Variants in IGF2BP2 observed in about 807,000 individuals in gnomAD.
The protein encoded by IGF2BP2 is insulin-like growth factor 2 mRNA-binding protein 2.
In IGF2BP2, 17 loss-of-function variants were observed where a neutral mutation model predicts 75.8. The observed-to-expected ratio is 0.22, with a 90% CI of 0.15 to 0.34. The LOEUF is 0.34. IGF2BP2 is among the 10% of genes least tolerant of loss of function. IGF2BP2 has a pLI of 1.00. For missense variants in IGF2BP2, 516 were observed against 772.4 expected, an observed-to-expected ratio of 0.67 and a Z score of 3.93; for synonymous variants, 288 against 295.6, an observed-to-expected ratio of 0.97 and a Z score of 0.26.
intron 2 of IGF2BP2, among the ~76,000 whole-genome samples, chr3:185,784,398 G>C (rs1314025386): frequency 6.6e-6 from 1 of 152,110 alleles, no homozygotes; most frequent in Non-Finnish European, 1.5e-5. Context: ...TGACCTGCTG[G>C]ATCTCTAGGA....
intron 7 of IGF2BP2, among the ~76,000 whole-genome samples, chr3:185,683,843 T>C (rs1038861306): frequency 6.6e-6 from 1 of 152,228 alleles, no homozygotes; most frequent in Non-Finnish European, 1.5e-5. Flanking sequence ...GAAATCACTA[T>C]AGTCATCCTA....
chr3:185,715,139 G>A (rs558297575), intron 2 of IGF2BP2, among the ~76,000 whole-genome samples: 1 of 152,306 alleles, frequency 6.6e-6, no homozygotes, highest in African/African-American at 2.4e-5. Context: ...AGGAATGGAA[G>A]GCAGAATACG....
intron 2 of IGF2BP2, among the ~76,000 whole-genome samples, chr3:185,801,349 C>T (rs1328757225): frequency 1.3e-5 from 2 of 151,988 alleles, no homozygotes; most frequent in African/African-American, 4.8e-5. Flanking sequence ...ATTAGCCAGG[C>T]GTGGTGGCAC....
At chr3:185,740,804 C>A (rs1729443738) in intron 2 of IGF2BP2, among the ~76,000 whole-genome samples, 1 of 152,174 alleles carries the variant, frequency 6.6e-6, no homozygotes, top group Admixed American at 6.6e-5. Context: ...GCTTTGTGGT[C>A]TATACTCACT....
At chr3:185,745,290 G>A (rs1271391407) in intron 2 of IGF2BP2, among the ~76,000 whole-genome samples, 1 of 152,226 alleles carries the variant, frequency 6.6e-6, no homozygotes, top group Non-Finnish European at 1.5e-5. Context: ...TCTGGTACCT[G>A]GCCTGCAGAT....
intron 2 of IGF2BP2, among the ~76,000 whole-genome samples, chr3:185,763,164 TC>T (rs1187929642): frequency 6.6e-6 from 1 of 152,192 alleles, no homozygotes; most frequent in Non-Finnish European, 1.5e-5. Flanking sequence ...TAAAAAAACT[TC>T]CCAGTGATTC....
intron 2 of IGF2BP2, among the ~76,000 whole-genome samples, chr3:185,814,688 C>T (rs528204081): frequency 2.0e-5 from 3 of 152,244 alleles, no homozygotes; most frequent in Non-Finnish European, 2.9e-5. Context: ...AGCATGGCGT[C>T]TATCTAGAAG....
intron 2 of IGF2BP2, among the ~76,000 whole-genome samples, chr3:185,785,457 G>T (rs957201221): frequency 6.6e-6 from 1 of 151,938 alleles, no homozygotes; most frequent in Admixed American, 6.6e-5. Flanking sequence ...TAGGCAAGAA[G>T]CATCTGTCTG....
intron 7 of IGF2BP2, among the ~76,000 whole-genome samples, chr3:185,684,844 G>GA (rs766791127): frequency 1.6e-3 from 220 of 141,834 alleles, no homozygotes; most frequent in African/African-American, 4.4e-3. Context: ...TGTGGGGAAG[G>GA]AAAAAAAAAA....
In IGF2BP2 at chr3:185,698,944, A is replaced by G. The variant is rs373615715; in HGVS notation, c.240-597T>C. 3.9e-5 allele frequency among the ~76,000 whole-genome samples: 6 copies of G among 152,120 alleles called. No homozygotes were observed. The East Asian group carries it at 7.7e-4, about 20-fold the overall frequency. On this transcript the variant is annotated intron_variant, in intron 2 of 15. Transcript: ENST00000382199. ...ATTCTCCTGCCTCAGCCTCCCAAGT[A>G]GCTGGGATTACAGGCATGTGCCACC... is the stretch of plus-strand genomic sequence containing the variant.
intron 2 of IGF2BP2, 66 bp downstream of exon 2, chr3:185,823,087 G>A: frequency 9.6e-7 from 1 of 1,039,746 alleles, no homozygotes; most frequent in Non-Finnish European, 1.4e-6. Flanking sequence ...TTTTAAAGCT[G>A]TGTGTACGTT....
At chr3:185,674,447 TTTTG>T (rs1190800530) in intron 9 of IGF2BP2, among the ~76,000 whole-genome samples, 3 of 152,186 alleles carry the variant, frequency 2.0e-5, no homozygotes, top group East Asian at 1.9e-4. Flanking sequence ...TTTTAAAGGT[TTTTG>T]TTTGTTTGTT....
At chr3:185,674,835 T>C (rs911399425) in intron 9 of IGF2BP2, among the ~76,000 whole-genome samples, 2 of 151,978 alleles carry the variant, frequency 1.3e-5, no homozygotes, top group Non-Finnish European at 2.9e-5. Context: ...TTTTATATCT[T>C]GCTTTTCTTA....
chr3:185,705,508 C>T (rs758731088), intron 2 of IGF2BP2, among the ~76,000 whole-genome samples: 1 of 151,984 alleles, frequency 6.6e-6, no homozygotes, highest in Non-Finnish European at 1.5e-5. Flanking sequence ...ATAACTCATG[C>T]TTCCTGGGCA....
At chr3:185,764,645 A>G (rs779378854) in intron 2 of IGF2BP2, among the ~76,000 whole-genome samples, 1 of 152,214 alleles carries the variant, frequency 6.6e-6, no homozygotes, top group African/African-American at 2.4e-5. Context: ...CATCTTCACC[A>G]TGATTCCCAG....
At chr3:185,715,589 T>C (rs1725474173) in intron 2 of IGF2BP2, among the ~76,000 whole-genome samples, 1 of 152,238 alleles carries the variant, frequency 6.6e-6, no homozygotes, top group Admixed American at 6.5e-5. Flanking sequence ...TGTGGCTGTC[T>C]ATATCCCACC....
intron 7 of IGF2BP2, among the ~76,000 whole-genome samples, chr3:185,685,093 A>G (rs1294994300): frequency 6.6e-6 from 1 of 152,168 alleles, no homozygotes; most frequent in Non-Finnish European, 1.5e-5. Flanking sequence ...CACACCTGTA[A>G]TCCCAGCACA....
In IGF2BP2 at chr3:185,731,499, C is replaced by T. The variant is rs573778267; in HGVS notation, c.240-33152G>A. Among the ~76,000 whole-genome samples, 3 of 152,090 alleles carry T rather than the reference C, an allele frequency of 2.0e-5. No individual in the cohort carries two copies. The South Asian group carries it at 6.2e-4, about 32-fold the overall frequency. ...AACTCCTGACCTCAGGTGATCCGCTCACCTCAGCCTCCCAAAGTGCTAAGA... is the reference window on the plus strand; with the variant it reads ...AACTCCTGACCTCAGGTGATCCGCTTACCTCAGCCTCCCAAAGTGCTAAGA... On this transcript the variant is annotated intron_variant, in intron 2 of 15. Transcript: ENST00000382199.
intron 2 of IGF2BP2, among the ~76,000 whole-genome samples, chr3:185,805,614 C>A (rs1738914539): frequency 6.6e-6 from 1 of 152,130 alleles, no homozygotes; most frequent in African/African-American, 2.4e-5. Context: ...AAATACATTT[C>A]TTTGGGTGCA....
Sources: gnomAD v4.1 joint callset for allele counts (sites outside exome capture counted in the v4.1 genomes callset) on GRCh38, gnomAD v4.1.1 for gene constraint, MANE v1.5 for transcripts, NCBI Gene and HGNC (gene_info 2026-07-23, HGNC 2026-07-21) for gene names.